The following ADIG variants were observed in gnomAD, a reference collection of about 807,000 sequenced individuals.
ADIG encodes the protein adipogenesis associated.
ADIG carries 12 observed loss-of-function variants against 10.7 expected under a neutral mutation model. The ratio of observed to expected loss-of-function variants is 1.12; its 90% CI spans 0.72 to 1.82. ADIG has a LOEUF of 1.82. Among genes scored for constraint, ADIG ranks in the 40% most tolerant of loss-of-function variants. The pLI is 0.00. For missense variants in ADIG, 72 were observed against 92.5 expected (o/e 0.78, Z 0.91); for synonymous variants, 32 against 35.6 (o/e 0.90, Z 0.36).
Position 38,587,991 on chromosome 20 carries a change from G to A in ADIG, c.*15-110G>A, listed in dbSNP as rs1055982655. On this transcript the variant is annotated intron_variant, in intron 2 of 2. Coordinates refer to ENST00000537425, the MANE Select transcript of ADIG (RefSeq NM_001393816.1). ...GACCTTAGATGATCCACCTGCCTCGGCTTCCCAAAGTGCTGGGATTACAGG... is the reference window on the plus strand; with the variant it reads ...GACCTTAGATGATCCACCTGCCTCGACTTCCCAAAGTGCTGGGATTACAGG... The A allele has an allele frequency of 2.5e-6, 3 of 1,187,834 alleles. No individual in the cohort carries two copies. The African/African-American group carries it at 4.8e-5, about 19-fold the overall frequency. 73.6% of individuals were successfully genotyped at this position (1,187,834 alleles called of 1,614,324 possible).
intron 1 of ADIG, among the ~76,000 whole-genome samples, chr20:38,583,896 C>T (rs1352610308): frequency 6.6e-6 from 1 of 152,176 alleles, no homozygotes; most frequent in Non-Finnish European, 1.5e-5. Flanking sequence ...TCTAAAACTC[C>T]CAGTATTATT....
intron 2 of ADIG, among the ~76,000 whole-genome samples, chr20:38,586,585 T>C (rs950777549): frequency 3.9e-5 from 6 of 152,298 alleles, no homozygotes; most frequent in Admixed American, 3.9e-4. Context: ...TCGTGCTGCT[T>C]ACCCTGCTCT....
chr20:38,586,778 G>T (rs374457038), intron 2 of ADIG, among the ~76,000 whole-genome samples: 8 of 151,914 alleles, frequency 5.3e-5, no homozygotes, highest in East Asian at 3.9e-4. Flanking sequence ...AGGTACCAAG[G>T]CCTGTCTGAA....
At chr20:38,585,293 C>A in intron 1 of ADIG, 2 of 831,382 alleles carry the variant, frequency 2.4e-6, no homozygotes, top group Non-Finnish European at 3.7e-6. Flanking sequence ...TTTTTTCTCA[C>A]CCTACCTCCC....
At chr20:38,588,041 C>T in intron 2 of ADIG, 60 bp from the exon 3 acceptor site, 1 of 1,240,562 alleles carries the variant, frequency 8.1e-7, no homozygotes, top group Non-Finnish European at 1.0e-6. Flanking sequence ...TCTGGCCTTA[C>T]CCACCTCTTT....
At chr20:38,583,453 T>C (rs1264253822) in intron 1 of ADIG, among the ~76,000 whole-genome samples, 1 of 152,212 alleles carries the variant, frequency 6.6e-6, no homozygotes, top group African/African-American at 2.4e-5. Flanking sequence ...TACCTGCCCC[T>C]TGGGGTTGTG....
At chr20:38,581,667 G>A (rs1204029507) in intron 1 of ADIG, among the ~76,000 whole-genome samples, 6 of 152,090 alleles carry the variant, frequency 3.9e-5, no homozygotes, top group East Asian at 3.9e-4. Context: ...CCTAGAGTTC[G>A]AGAGTGATCT....
chr20:38,585,947 G>A (rs990080399), intron 1 of ADIG, 82 bp from the exon 2 acceptor site: 27 of 1,380,362 alleles, frequency 2.0e-5, no homozygotes, highest in Non-Finnish European at 2.7e-5. Context: ...GGATACCCAG[G>A]CCTGGCAGGG....
chr20:38,584,203 G>A (rs527927653), intron 1 of ADIG, among the ~76,000 whole-genome samples: 2 of 152,150 alleles, frequency 1.3e-5, no homozygotes, highest in Non-Finnish European at 2.9e-5. Flanking sequence ...CAAATGGGGA[G>A]GAAAGGAGAG....
At chr20:38,582,899 C>T (rs533363451) in intron 1 of ADIG, among the ~76,000 whole-genome samples, 1 of 152,088 alleles carries the variant, frequency 6.6e-6, no homozygotes, top group Admixed American at 6.5e-5. Flanking sequence ...CTCACTGCAA[C>T]CTCTGCCTCC....
intron 1 of ADIG, 70 bp downstream of exon 1, chr20:38,581,444 T>G: frequency 1.3e-6 from 2 of 1,598,050 alleles, no homozygotes; most frequent in Admixed American, 3.4e-5. Flanking sequence ...TAGGCCAGTG[T>G]GTCCTGAAAC....
At chr20:38,587,946 C>A (rs1290668751) in intron 2 of ADIG, among the ~76,000 whole-genome samples, 155 bp from the exon 3 acceptor site, 1 of 152,160 alleles carries the variant, frequency 6.6e-6, no homozygotes, top group Non-Finnish European at 1.5e-5. Context: ...CCATATTGGT[C>A]AGGCTGGTCT....
intron 1 of ADIG, among the ~76,000 whole-genome samples, chr20:38,583,801 T>C (rs2088609003): frequency 1.3e-5 from 2 of 152,230 alleles, no homozygotes; most frequent in African/African-American, 4.8e-5. Flanking sequence ...ATGTGGCGTT[T>C]TGAAATAAGT....
Position 38,588,257 on chromosome 20 carries a change from C to CA in ADIG, c.*172dup. On this transcript the variant is annotated 3_prime_UTR_variant, in exon 3 of 3. Transcript: ENST00000537425. ...GACATGTGAAAGCCTCCAGAGGTCC[C>CA]AGCCCTTCTCCAGCATCACAGATGA... The CA allele has an allele frequency of 7.7e-7, 1 of 1,304,242 alleles. No individual in the cohort carries two copies. Among genetic ancestry groups the CA allele is most frequent in the Non-Finnish European group, 1.0e-6 (1 of 988,974 alleles). The allele number at this position is 1,304,242 out of a possible 1,614,324, so 80.8% of individuals were successfully genotyped here. A position where few individuals can be genotyped will look rare whatever the true frequency, so the allele number is the denominator to read the frequency against.
Position 38,586,166 on chromosome 20 carries a change from G to T in ADIG, c.*14+5G>T. 6.4e-7 allele frequency: 1 copy of T among 1,568,424 alleles called. No homozygotes were observed. Among genetic ancestry groups the T allele is most frequent in the Admixed American group, 1.9e-5 (1 of 52,948 alleles). ...CTGGTGAGCCTGCTGTGCCAGGTGA[G>T]GCCCTTCCAGGGGCCAGGGGGAGCC... is the stretch of plus-strand genomic sequence containing the variant. On this transcript the variant is annotated splice_donor_5th_base_variant and intron_variant, in intron 2 of 2. Coordinates refer to ENST00000537425, the MANE Select transcript of ADIG (RefSeq NM_001393816.1).
At chr20:38,583,840 C>T (rs142234287) in intron 1 of ADIG, among the ~76,000 whole-genome samples, 165 of 152,292 alleles carry the variant, frequency 1.1e-3, no homozygotes, top group Middle Eastern at 6.8e-3. Context: ...CGAAGAGAAA[C>T]CGTCCTTAAA....
At chr20:38,584,057 G>A (rs1211909069) in intron 1 of ADIG, among the ~76,000 whole-genome samples, 1 of 152,106 alleles carries the variant, frequency 6.6e-6, no homozygotes, top group Non-Finnish European at 1.5e-5. Context: ...AAAGCAGACA[G>A]GAGTAGCTCT....
intron 1 of ADIG, among the ~76,000 whole-genome samples, chr20:38,582,471 G>C (rs2088597770): frequency 6.6e-6 from 1 of 152,232 alleles, no homozygotes; most frequent in Non-Finnish European, 1.5e-5. Flanking sequence ...AAGCTAGGCA[G>C]GGAGGGCGCA....
rs748839046 is a variant in ADIG at position 38,588,100 on chromosome 20, G to A, written c.*15-1G>A. ...AGTCCCAACCTTCCTTTTGTTTCTA[G>A]TTTGGTTTTCCTGGAGTCAGCAGGG... is the stretch of plus-strand genomic sequence containing the variant. On this transcript the variant is annotated splice_acceptor_variant, in intron 2 of 2. Coordinates refer to ENST00000537425, the MANE Select transcript of ADIG (RefSeq NM_001393816.1). LOFTEE classifies it low-confidence loss of function (3UTR_SPLICE). The A allele has an allele frequency of 7.7e-6, 10 of 1,296,898 alleles. No individual in the cohort carries two copies. The South Asian group carries it at 1.0e-4, about 13-fold the overall frequency. The allele number at this position is 1,296,898 out of a possible 1,614,324, so 80.3% of individuals were successfully genotyped here.
Sources: allele counts gnomAD v4.1 joint callset (sites outside exome capture counted in the v4.1 genomes callset), GRCh38; gene constraint gnomAD v4.1.1; transcripts MANE v1.5; gene names NCBI Gene and HGNC (gene_info 2026-07-23, HGNC 2026-07-21).